The following HLA-DQA2 variants were observed in gnomAD, a reference collection of about 807,000 sequenced individuals.
HLA-DQA2 encodes HLA class II histocompatibility antigen, DQ alpha 2 chain.
In HLA-DQA2, 17 loss-of-function variants were observed where a neutral mutation model predicts 21.0. That is an observed-to-expected ratio of 0.81 (90% CI 0.56 to 1.22). The LOEUF (loss-of-function observed/expected upper bound fraction) is 1.22, where lower values mean the gene tolerates loss of function less well. Ranked by LOEUF, HLA-DQA2 falls within the 50% of genes most tolerant of loss-of-function variation. The probability of loss-of-function intolerance (pLI) is 0.00; values close to 1 mark genes in which losing one functional copy is unlikely to be tolerated. For synonymous variants in HLA-DQA2, 81 were observed against 116.5 expected, an observed-to-expected ratio of 0.70 and a Z score of 1.96; for missense variants, 239 against 308.8, an observed-to-expected ratio of 0.77 and a Z score of 1.69.
In HLA-DQA2 at chr6:32,745,843, C is replaced by T. The variant is rs1391866970; in HGVS notation, c.384C>T (p.Pro128=). The change falls in exon 3 of 5, where the codon CCC becomes CCT. Residue 128 remains proline (P), a synonymous_variant. Coordinates refer to ENST00000374940, the MANE Select transcript of HLA-DQA2 (RefSeq NM_020056.5). The part of the protein sequence containing the change: ...FSKFPVTLGQ[P]NTLICLVDNI... ...AGTTTCCTGTGACGCTGGGTCAGCC[C>T]AACACCCTCATCTGTCTTGTGGACA... 1.2e-6 allele frequency: 2 copies of T among 1,613,132 alleles called. No individual in the cohort carries two copies. Among genetic ancestry groups the T allele is most frequent in the East Asian group, 2.2e-5 (1 of 44,890 alleles).
Position 32,741,460 on chromosome 6 carries a change from C to T in HLA-DQA2, c.17C>T (p.Ala6Val). The T allele has an allele frequency of 2.5e-6, 4 of 1,613,960 alleles. No individual in the cohort carries two copies. Among genetic ancestry groups the T allele is most frequent in the Admixed American group, 1.7e-5 (1 of 60,020 alleles). Reference protein sequence around the residue: MILNKALLLGALALTA... With the variant: MILNKVLLLGALALTA... ...GGGAAGAAGATGATCCTAAACAAAG[C>T]TCTGCTGCTGGGGGCCCTCGCCCTG... The change falls in exon 1 of 5, where the codon GCT (alanine) becomes GTT (valine). Residue 6 changes from alanine to valine, a missense_variant. Transcript: ENST00000374940.
intron 2 of HLA-DQA2, 130 bp from the exon 3 acceptor site, chr6:32,745,661 C>CTTAAACAA: frequency 1.0e-6 from 1 of 979,828 alleles, no homozygotes; most frequent in Non-Finnish European, 1.5e-6. Flanking sequence ...TGCTCCCAAG[C>CTTAAACAA]AGAAGGTAAA....
At chr6:32,745,001 C>A (rs528169683) in intron 1 of HLA-DQA2, among the ~76,000 whole-genome samples, 158 bp from the exon 2 acceptor site, 1 of 152,164 alleles carries the variant, frequency 6.6e-6, no homozygotes, top group African/African-American at 2.4e-5. Flanking sequence ...TGACTACCAA[C>A]GTTAGGCAAG....
intron 1 of HLA-DQA2, among the ~76,000 whole-genome samples, chr6:32,744,727 C>A (rs1378975629): frequency 6.6e-6 from 1 of 150,964 alleles, no homozygotes; most frequent in Admixed American, 6.6e-5. Context: ...CTGATCTAGT[C>A]CTGACAGGAA....
Position 32,745,884 on chromosome 6 carries a change from T to A in HLA-DQA2, c.425T>A (p.Val142Glu), listed in dbSNP as rs1213582101. 6.2e-7 allele frequency: 1 copy of A among 1,613,056 alleles called. No homozygotes were observed. The highest frequency in any genetic ancestry group is 8.5e-7 in the Non-Finnish European group (1 of 1,180,050). The change falls in exon 3 of 5, where the codon GTG becomes GAG. Residue 142 changes from valine (V) to glutamate (E), a missense_variant. Transcript: ENST00000374940. ...ICLVDNIFPPVVNITWLSNGH... is the reference protein window; with the variant it reads ...ICLVDNIFPPEVNITWLSNGH... ...CTTGTGGACAACATCTTTCCTCCTG[T>A]GGTCAACATCACCTGGCTGAGCAAT...
chr6:32,741,753 T>C (rs1763230729), intron 1 of HLA-DQA2, among the ~76,000 whole-genome samples: 1 of 152,222 alleles, frequency 6.6e-6, no homozygotes, highest in South Asian at 2.1e-4. Flanking sequence ...GTTTATATTA[T>C]ATCCAGAGAC....
In HLA-DQA2 at chr6:32,746,403, C is replaced by T. The variant is rs1269292401; in HGVS notation, c.*9C>T. On this transcript the variant is annotated 3_prime_UTR_variant, in exon 4 of 5. Coordinates refer to ENST00000374940, the MANE Select transcript of HLA-DQA2 (RefSeq NM_020056.5). ...ACCAAGGGCTCTTATGAATCCCATC[C>T]TGAAAAGGAAGGTAAGATTGAGATT... The T allele has an allele frequency of 6.3e-7, 1 of 1,578,036 alleles. No individual in the cohort carries two copies. Among genetic ancestry groups the T allele is most frequent in the African/African-American group, 1.5e-5 (1 of 68,778 alleles).
intron 1 of HLA-DQA2, among the ~76,000 whole-genome samples, chr6:32,744,779 T>C (rs1391199119): frequency 1.3e-5 from 2 of 152,084 alleles, no homozygotes; most frequent in Admixed American, 1.3e-4. Flanking sequence ...AGAGAAAACT[T>C]AGGAAGCAGA....
chr6:32,745,364 G>A lies in HLA-DQA2; in HGVS notation c.288G>A (p.Leu96=). 1 of 1,598,632 alleles carries A rather than the reference G, an allele frequency of 6.3e-7. No individual in the cohort carries two copies. The highest frequency in any genetic ancestry group is 8.5e-7 in the Non-Finnish European group (1 of 1,171,934). ...ATATGGCTGTGGGAAAACACACCTT[G>A]GAATTCATGATGAGACAGTCCAACT... ...LRNMAVGKHT[L]EFMMRQSNST... The change falls in exon 2 of 5, where the codon TTG becomes TTA. Residue 96 remains leucine (L), a synonymous_variant. Transcript: ENST00000374940.
In HLA-DQA2 at chr6:32,744,673, TA is replaced by T. The variant is rs9282270; in HGVS notation, c.83-471del. ...CGTTCCTACATGCTTTTCTTTGGTTTAAAAAAAAAAAAAAAGGAAACTCTGT... is the reference window on the plus strand; with the variant it reads ...CGTTCCTACATGCTTTTCTTTGGTTTAAAAAAAAAAAAAAGGAAACTCTGT... On this transcript the variant is annotated intron_variant, in intron 1 of 4. Coordinates refer to ENST00000374940, the MANE Select transcript of HLA-DQA2 (RefSeq NM_020056.5). 3.9e-3 allele frequency among the ~76,000 whole-genome samples: 343 copies of T among 89,034 alleles called. 1 individual carries two copies. The East Asian group carries it at 0.074, about 19-fold the overall frequency. 58.4% of individuals were successfully genotyped at this position (89,034 alleles called of 152,430 possible).
chr6:32,742,725 G>A (rs1429008128), intron 1 of HLA-DQA2, among the ~76,000 whole-genome samples: 2 of 152,002 alleles, frequency 1.3e-5, no homozygotes, highest in African/African-American at 4.8e-5. Context: ...ACACCAGAGT[G>A]CCCCGGTCAG....
chr6:32,746,721 C>CGAAT lies in HLA-DQA2; in HGVS notation c.*160_*161insGAAT, dbSNP rs1763626503. ...TCTCTGGGACTTAAGGTGCTATATT[C>CGAAT]CCTCAGAGCTCACAAATGCCTTTCA... On this transcript the variant is annotated 3_prime_UTR_variant, in exon 5 of 5. Transcript: ENST00000374940. 3 of 571,740 alleles carry CGAAT rather than the reference C, an allele frequency of 5.2e-6. No homozygotes were observed. The highest frequency in any genetic ancestry group is 9.8e-6 in the Non-Finnish European group (3 of 304,854). The allele number at this position is 571,740 out of a possible 1,614,324, so 35.4% of individuals were successfully genotyped here. A position where few individuals can be genotyped will look rare whatever the true frequency, so the allele number is the denominator to read the frequency against.
At position 32,741,472 on chromosome 6, in the gene HLA-DQA2, G is replaced by C. The variant is rs1763205487; in HGVS notation, c.29G>C (p.Gly10Ala). MILNKALLL[G>A]ALALTAVMSP... ...ATCCTAAACAAAGCTCTGCTGCTGGGGGCCCTCGCCCTGACTGCCGTGATG... is the reference window on the plus strand; with the variant it reads ...ATCCTAAACAAAGCTCTGCTGCTGGCGGCCCTCGCCCTGACTGCCGTGATG... The change falls in exon 1 of 5, where the codon GGG becomes GCG. Residue 10 changes from glycine to alanine, a missense_variant. Gly to Ala is a moderately conservative substitution (Grantham distance 60). Transcript: ENST00000374940. 1 of 1,613,916 alleles carries C rather than the reference G, an allele frequency of 6.2e-7. No homozygotes were observed. Among genetic ancestry groups the C allele is most frequent in the Admixed American group, 1.7e-5 (1 of 60,006 alleles).
chr6:32,741,698 C>G (rs1185081333), intron 1 of HLA-DQA2, among the ~76,000 whole-genome samples, 173 bp downstream of exon 1: 1 of 152,174 alleles, frequency 6.6e-6, no homozygotes, highest in Non-Finnish European at 1.5e-5. Context: ...CCAACCGACT[C>G]TCTTTGCTAC....
chr6:32,743,545 C>G (rs2395252), intron 1 of HLA-DQA2, among the ~76,000 whole-genome samples: 94,924 of 151,926 alleles, frequency 0.62, 30,138 homozygotes, highest in East Asian at 0.85. Flanking sequence ...GAGCAGGACA[C>G]TGGCCCAGCA....
rs1303626988 is a variant in HLA-DQA2, at chr6:32,745,492, A to G, written c.331+85A>G. The G allele has an allele frequency of 3.5e-6, 5 of 1,420,148 alleles. No homozygotes were observed. The Admixed American group carries it at 8.9e-5, about 25-fold the overall frequency. 88.0% of individuals were successfully genotyped at this position (1,420,148 alleles called of 1,614,324 possible). A position where few individuals can be genotyped will look rare whatever the true frequency, so the allele number is the denominator to read the frequency against. The stretch of plus-strand genomic sequence containing the variant: ...TCCCTTCTTCTCAAGAGATTTCCAG[A>G]TCTTCTCATGGTAATTGCTGAAATT... On this transcript the variant is annotated intron_variant, in intron 2 of 4. Transcript: ENST00000374940.
At position 32,745,774 on chromosome 6, in the gene HLA-DQA2, C is replaced by T. The variant is rs1763535130; in HGVS notation, c.332-17C>T. 4 of 1,612,974 alleles carry T rather than the reference C, an allele frequency of 2.5e-6. No homozygotes were observed. Among genetic ancestry groups the T allele is most frequent in the Admixed American group, 1.7e-5 (1 of 60,016 alleles). ...GAGCTATTCACACTTCACATCAGTG[C>T]TGTTTCCTCACCACAGAGGTTCCTG... On this transcript the variant is annotated splice_polypyrimidine_tract_variant and intron_variant, in intron 2 of 4. Coordinates refer to ENST00000374940, the MANE Select transcript of HLA-DQA2 (RefSeq NM_020056.5).
chr6:32,745,499 C>T (rs1763513275), intron 2 of HLA-DQA2, 92 bp downstream of exon 2: 8 of 1,369,808 alleles, frequency 5.8e-6, no homozygotes, highest in South Asian at 2.5e-5. Flanking sequence ...CAGATCTTCT[C>T]ATGGTAATTG....
In HLA-DQA2 at chr6:32,746,982, TATC is replaced by T. The variant is rs1763645542; in HGVS notation, c.*424_*426del. 3.6e-6 allele frequency: 1 copy of T among 279,724 alleles called. No individual in the cohort carries two copies. The highest frequency in any genetic ancestry group is 7.0e-6 in the Non-Finnish European group (1 of 142,994). The allele number at this position is 279,724 out of a possible 1,614,324, so 17.3% of individuals were successfully genotyped here. On this transcript the variant is annotated 3_prime_UTR_variant, in exon 5 of 5. Transcript: ENST00000374940. ...ACTCTTATGTTTTAGGCCAATTTCATATCATTCCCCAGATCATATTTCAAGTCC... is the reference window on the plus strand; with the variant it reads ...ACTCTTATGTTTTAGGCCAATTTCATATTCCCCAGATCATATTTCAAGTCC...
Sources: gnomAD v4.1 joint callset for allele counts (sites outside exome capture counted in the v4.1 genomes callset) on GRCh38, gnomAD v4.1.1 for gene constraint, MANE v1.5 for transcripts, NCBI Gene and HGNC (gene_info 2026-07-23, HGNC 2026-07-21) for gene names.